The following ITGBL1 variants were observed in gnomAD, a reference collection of about 807,000 sequenced individuals.
ITGBL1 encodes the protein integrin beta-like protein 1.
ITGBL1 carries 51 observed loss-of-function variants against 68.5 expected under a neutral mutation model. The observed-to-expected ratio is 0.74, with a 90% CI of 0.59 to 0.94. ITGBL1 has a LOEUF of 0.94. Ranked by LOEUF, ITGBL1 falls within the 40% of genes least tolerant of loss-of-function variation. The probability of loss-of-function intolerance (pLI) is 0.00; values close to 1 mark genes in which losing one functional copy is unlikely to be tolerated. For missense variants in ITGBL1, 649 were observed against 647.4 expected (o/e 1.00, Z -0.03); for synonymous variants, 209 against 227.3 (o/e 0.92, Z 0.72).
chr13:101,543,105 T>G (rs531212659), intron 2 of ITGBL1, among the ~76,000 whole-genome samples: 2 of 152,226 alleles, frequency 1.3e-5, no homozygotes, highest in Non-Finnish European at 2.9e-5. Flanking sequence ...TCATTATGAT[T>G]TTAGCTGGTT....
intron 2 of ITGBL1, among the ~76,000 whole-genome samples, chr13:101,521,063 T>C (rs2049276573): frequency 6.6e-6 from 1 of 152,174 alleles, no homozygotes. Flanking sequence ...GAAAGAGTGA[T>C]AAAAAGTGCT....
downstream of ITGBL1, chr13:101,719,836 C>A (rs528589817): frequency 2.6e-5 from 4 of 151,858 alleles, no homozygotes; most frequent in South Asian, 8.3e-4. Context: ...GATTGCACTT[C>A]TTACTTAATA....
At chr13:101,649,870 CAGTGAA>C (rs969020969) in intron 7 of ITGBL1, among the ~76,000 whole-genome samples, 19 of 152,310 alleles carry the variant, frequency 1.2e-4, no homozygotes, top group African/African-American at 4.6e-4. Context: ...CTTCAAACCT[CAGTGAA>C]AGTGTGACCT....
chr13:101,484,951 G>A (rs759557282), intron 2 of ITGBL1, among the ~76,000 whole-genome samples: 13 of 152,038 alleles, frequency 8.6e-5, no homozygotes, highest in African/African-American at 1.2e-4. Flanking sequence ...GCTCAAAACC[G>A]TTAATAGGGA....
chr13:101,584,897 T>C (rs940352154), intron 6 of ITGBL1, among the ~76,000 whole-genome samples: 1 of 151,758 alleles, frequency 6.6e-6, no homozygotes, highest in African/African-American at 2.4e-5. Flanking sequence ...AGGAGGCTAT[T>C]GGATCACAGT....
At chr13:101,626,516 T>TA (rs35996584) in intron 7 of ITGBL1, among the ~76,000 whole-genome samples, 2 of 152,158 alleles carry the variant, frequency 1.3e-5, no homozygotes, top group Non-Finnish European at 2.9e-5. Flanking sequence ...CATCTATCTC[T>TA]AAAAAGTACC....
intron 3 of ITGBL1, among the ~76,000 whole-genome samples, chr13:101,570,633 A>G (rs147169995): frequency 6.6e-6 from 1 of 152,298 alleles, no homozygotes; most frequent in Non-Finnish European, 1.5e-5. Flanking sequence ...CAGGTGCTTC[A>G]TTGAGGGAAT....
intron 8 of ITGBL1, among the ~76,000 whole-genome samples, chr13:101,700,402 C>G (rs2034108437): frequency 6.6e-6 from 1 of 152,210 alleles, no homozygotes; most frequent in Non-Finnish European, 1.5e-5. Context: ...ATGTACTTCT[C>G]TGTGTTTCCA....
Position 101,647,741 on chromosome 13 carries a change from A to G in ITGBL1, c.1016-44844A>G, listed in dbSNP as rs2032609293. ...AAATATAGAAGGTTGAGACTTTTAA[A>G]GCCACCAGCCCTTTTGGGTCATGAC... On this transcript the variant is annotated intron_variant, in intron 7 of 10. Coordinates refer to ENST00000376180, the MANE Select transcript of ITGBL1 (RefSeq NM_004791.3). 2.0e-5 allele frequency among the ~76,000 whole-genome samples: 3 copies of G among 152,302 alleles called. No homozygotes were observed. The South Asian group carries it at 6.2e-4, about 32-fold the overall frequency.
intron 2 of ITGBL1, among the ~76,000 whole-genome samples, chr13:101,531,609 T>TGG (rs201777368): frequency 6.8e-5 from 9 of 133,064 alleles, no homozygotes; most frequent in African/African-American, 1.3e-4. Context: ...GCGTATTTTT[T>TGG]GGGGGGAGGG....
intron 7 of ITGBL1, among the ~76,000 whole-genome samples, chr13:101,675,036 G>C (rs1160163755): frequency 6.6e-6 from 1 of 151,904 alleles, no homozygotes; most frequent in Non-Finnish European, 1.5e-5. Context: ...TCTGATTTTT[G>C]CCTTCAAATG....
rs566775101 is a variant in ITGBL1 at position 101,521,301 on chromosome 13, T to C, written c.317-46398T>C. On this transcript the variant is annotated intron_variant, in intron 2 of 10. Coordinates refer to ENST00000376180, the MANE Select transcript of ITGBL1 (RefSeq NM_004791.3). ...CAACTGACGAAAATCTCTGCTTACATGCATCTTTCATTGTAATATGGGAAA... is the reference window on the plus strand; with the variant it reads ...CAACTGACGAAAATCTCTGCTTACACGCATCTTTCATTGTAATATGGGAAA... 2.0e-5 allele frequency among the ~76,000 whole-genome samples: 3 copies of C among 152,280 alleles called. No homozygotes were observed. In the South Asian group the frequency reaches 6.2e-4, roughly 32 times the overall value.
downstream of ITGBL1, chr13:101,720,257 G>A (rs2034882684): frequency 6.6e-6 from 1 of 151,992 alleles, no homozygotes; most frequent in East Asian, 1.9e-4. Flanking sequence ...CAGACACAAA[G>A]TAAATGACCT....
intron 7 of ITGBL1, among the ~76,000 whole-genome samples, chr13:101,600,446 T>A (rs1476398595): frequency 1.3e-5 from 2 of 152,134 alleles, no homozygotes; most frequent in African/African-American, 4.8e-5. Context: ...TCCTGCCTGA[T>A]TGCCCTGGCC....
At chr13:101,628,474 C>T (rs2031863995) in intron 7 of ITGBL1, among the ~76,000 whole-genome samples, 2 of 151,074 alleles carry the variant, frequency 1.3e-5, no homozygotes, top group Admixed American at 1.3e-4. Context: ...GCTCTGTCAC[C>T]CAGGCTGGAG....
chr13:101,704,351 A>G (rs2034204464), intron 8 of ITGBL1, among the ~76,000 whole-genome samples: 1 of 152,138 alleles, frequency 6.6e-6, no homozygotes, highest in Non-Finnish European at 1.5e-5. Flanking sequence ...GGGGCTGGAG[A>G]TACAGCCCTG....
At chr13:101,618,062 A>G (rs2031436382) in intron 7 of ITGBL1, among the ~76,000 whole-genome samples, 1 of 152,206 alleles carries the variant, frequency 6.6e-6, no homozygotes, top group African/African-American at 2.4e-5. Context: ...CTTTAGTGAA[A>G]TAATTTGGGT....
At chr13:101,569,418 A>C (rs1333518060) in intron 3 of ITGBL1, among the ~76,000 whole-genome samples, 1 of 152,178 alleles carries the variant, frequency 6.6e-6, no homozygotes, top group Non-Finnish European at 1.5e-5. Context: ...GATAAAACAT[A>C]TTTGATACAA....
chr13:101,630,316 C>T (rs894384235), intron 7 of ITGBL1, among the ~76,000 whole-genome samples: 1 of 152,010 alleles, frequency 6.6e-6, no homozygotes, highest in Non-Finnish European at 1.5e-5. Flanking sequence ...ACAAATCATT[C>T]AATATTTTGA....
Sources: allele counts gnomAD v4.1 joint callset (sites outside exome capture counted in the v4.1 genomes callset), GRCh38; gene constraint gnomAD v4.1.1; transcripts MANE v1.5; gene names NCBI Gene and HGNC (gene_info 2026-07-23, HGNC 2026-07-21).